Variants in CNTNAP3 observed in about 807,000 individuals in gnomAD.
CNTNAP3 encodes contactin associated protein family member 3, also known as contactin-associated protein-like 3.
Under a neutral mutation model 92.1 loss-of-function variants are expected in CNTNAP3, and 36 were observed. That is an observed-to-expected ratio of 0.39 (90% CI 0.30 to 0.52). The LOEUF (loss-of-function observed/expected upper bound fraction) is 0.52. Among genes scored for constraint, CNTNAP3 ranks in the 20% least tolerant of loss-of-function variants. The pLI, the probability that CNTNAP3 is intolerant of heterozygous loss-of-function variation, is 0.76. For missense variants in CNTNAP3, 534 were observed against 1,069.6 expected, an observed-to-expected ratio of 0.50 and a Z score of 6.98; for synonymous variants, 232 against 422.3, an observed-to-expected ratio of 0.55 and a Z score of 5.53.
intron 13 of CNTNAP3, among the ~76,000 whole-genome samples, chr9:39,121,699 G>A (rs1378688547): frequency 1.3e-5 from 2 of 151,892 alleles, no homozygotes; most frequent in African/African-American, 2.4e-5. Context: ...GGCCTTAGAG[G>A]GTCAACACAC....
chr9:39,137,286 T>C (rs1235984771), intron 12 of CNTNAP3, among the ~76,000 whole-genome samples: 1 of 151,884 alleles, frequency 6.6e-6, no homozygotes, highest in Admixed American at 6.6e-5. Flanking sequence ...CCTGGTCTAC[T>C]AATAAGCCCA....
At chr9:39,091,438 T>C (rs1161827361) in intron 18 of CNTNAP3, among the ~76,000 whole-genome samples, 1 of 152,150 alleles carries the variant, frequency 6.6e-6, no homozygotes, top group Non-Finnish European at 1.5e-5. Flanking sequence ...ATGACTTTTC[T>C]GCATCAGTAG....
intron 18 of CNTNAP3, among the ~76,000 whole-genome samples, chr9:39,094,517 A>T (rs1417992397): frequency 2.0e-5 from 3 of 151,544 alleles, no homozygotes; most frequent in Non-Finnish European, 4.4e-5. Context: ...ACTTTGATTC[A>T]TTTTGAGTTA....
intron 18 of CNTNAP3, among the ~76,000 whole-genome samples, chr9:39,097,530 C>T (rs1826354871): frequency 6.6e-6 from 1 of 152,016 alleles, no homozygotes; most frequent in Non-Finnish European, 1.5e-5. Context: ...GACCTTATGT[C>T]CTGGAATGAG....
At chr9:39,099,428 G>T (rs1042211648) in intron 18 of CNTNAP3, among the ~76,000 whole-genome samples, 2 of 152,110 alleles carry the variant, frequency 1.3e-5, no homozygotes, top group East Asian at 1.9e-4. Flanking sequence ...TATAAGAAAA[G>T]ACATTTCTAT....
At chr9:39,097,751 G>A (rs1025843784) in intron 18 of CNTNAP3, among the ~76,000 whole-genome samples, 6 of 144,006 alleles carry the variant, frequency 4.2e-5, no homozygotes, top group Non-Finnish European at 6.1e-5. Flanking sequence ...AGCTAGGGAT[G>A]GGGAGGTGCT....
intron 15 of CNTNAP3, among the ~76,000 whole-genome samples, chr9:39,105,617 C>T (rs1390956195): frequency 1.3e-5 from 2 of 151,886 alleles, no homozygotes; most frequent in Non-Finnish European, 2.9e-5. Flanking sequence ...AAGCTGACAC[C>T]CATGCCTTTT....
rs1339911236 is a variant in CNTNAP3 at position 39,140,603 on chromosome 9, G to A, written c.1792C>T (p.Arg598Ter). 8.1e-6 allele frequency: 13 copies of A among 1,613,148 alleles called. No individual in the cohort carries two copies. Among genetic ancestry groups the A allele is most frequent in the African/African-American group, 2.7e-5 (2 of 74,848 alleles). ...YEQSCEAHKH[R>*]GNPSGLYYID... ...TAGTAAAGCCCAGACGGGTTCCCTC[G>A]GTGCTTGTGGGCTTCACAAGACTGC... The change falls in exon 12 of 24, where the codon CGA (arginine) becomes TGA (stop). Residue 598 changes from arginine (R) to a stop codon, truncating the protein, a stop_gained. Coordinates refer to ENST00000297668, the MANE Select transcript of CNTNAP3 (RefSeq NM_033655.5). LOFTEE classifies it high-confidence loss of function.
intron 13 of CNTNAP3, among the ~76,000 whole-genome samples, chr9:39,122,741 T>C (rs1186481853): frequency 6.6e-6 from 1 of 152,180 alleles, no homozygotes; most frequent in East Asian, 1.9e-4. Flanking sequence ...TACAGTCTTA[T>C]GAGACAAATC....
intron 12 of CNTNAP3, among the ~76,000 whole-genome samples, chr9:39,138,054 T>G (rs1016768876): frequency 7.1e-5 from 10 of 141,186 alleles, no homozygotes; most frequent in African/African-American, 1.2e-4. Context: ...AATGCTGTTT[T>G]TTGTTGTTGT....
chr9:39,110,049 A>C (rs1383445831), intron 14 of CNTNAP3, among the ~76,000 whole-genome samples: 1 of 152,188 alleles, frequency 6.6e-6, no homozygotes, highest in Non-Finnish European at 1.5e-5. Context: ...TAAGTAATAC[A>C]TAGACTAATG....
At chr9:39,217,358 GTATATA>G (rs58203008) in intron 3 of CNTNAP3, among the ~76,000 whole-genome samples, 591 of 4,224 alleles carry the variant, frequency 0.14, 81 homozygotes, top group African/African-American at 0.19. Flanking sequence ...ATTTACATGA[GTATATA>G]TATATATATA....
intron 4 of CNTNAP3, among the ~76,000 whole-genome samples, chr9:39,180,840 TC>T (rs1822432450): frequency 6.8e-6 from 1 of 146,878 alleles, no homozygotes; most frequent in Admixed American, 6.8e-5. Context: ...CAAGTCTTGG[TC>T]CTTAGAAGTA....
At chr9:39,128,820 A>G (rs1405595205) in intron 13 of CNTNAP3, among the ~76,000 whole-genome samples, 2 of 151,326 alleles carry the variant, frequency 1.3e-5, no homozygotes, top group Non-Finnish European at 2.9e-5. Flanking sequence ...AAAAGAGCTT[A>G]TAAGATTAGT....
Position 39,071,455 on chromosome 9 carries a change from A to G in CNTNAP3, c.*2435T>C, listed in dbSNP as rs1303741177. ...CATGAACCACTCTATTTTTAATATT[A>G]GAATTCTGAAGTTTTTAAGCATCAG... is the stretch of plus-strand genomic sequence containing the variant. On this transcript the variant is annotated 3_prime_UTR_variant, in exon 24 of 24. Transcript: ENST00000297668. Among the ~76,000 whole-genome samples the G allele has an allele frequency of 6.6e-6, 1 of 151,918 alleles. No individual in the cohort carries two copies. The highest frequency in any genetic ancestry group is 6.6e-5 in the Admixed American group (1 of 15,258).
chr9:39,133,555 G>A (rs1247235065), intron 12 of CNTNAP3, among the ~76,000 whole-genome samples: 2 of 151,726 alleles, frequency 1.3e-5, no homozygotes, highest in Non-Finnish European at 2.9e-5. Context: ...ATATTGGGAC[G>A]ATGTGACGCA....
chr9:39,113,197 C>T (rs1820752702), intron 14 of CNTNAP3, among the ~76,000 whole-genome samples: 1 of 151,914 alleles, frequency 6.6e-6, no homozygotes, highest in South Asian at 2.1e-4. Context: ...TGCCAAATGT[C>T]CCAAGAGTCG....
chr9:39,120,042 A>T (rs1014978296), intron 13 of CNTNAP3, among the ~76,000 whole-genome samples: 1 of 152,234 alleles, frequency 6.6e-6, no homozygotes, highest in African/African-American at 2.4e-5. Context: ...CTGAAAAAAT[A>T]CTGGCTGTAA....
chr9:39,128,743 C>G (rs1480021821), intron 13 of CNTNAP3, among the ~76,000 whole-genome samples: 2 of 151,690 alleles, frequency 1.3e-5, no homozygotes, highest in African/African-American at 4.9e-5. Flanking sequence ...AAAGCTGACT[C>G]TACTTGCAGA....
Sources: allele counts gnomAD v4.1 joint callset (sites outside exome capture counted in the v4.1 genomes callset), GRCh38; gene constraint gnomAD v4.1.1; transcripts MANE v1.5; gene names NCBI Gene and HGNC (gene_info 2026-07-23, HGNC 2026-07-21).